P4HA1: variants seen among roughly 807,000 people sequenced by gnomAD.
The protein encoded by P4HA1 is prolyl 4-hydroxylase subunit alpha 1.
P4HA1 carries 24 observed loss-of-function variants against 72.8 expected under a neutral mutation model. The ratio of observed to expected loss-of-function variants is 0.33; its 90% confidence interval spans 0.24 to 0.46. The LOEUF (loss-of-function observed/expected upper bound fraction) is 0.46. Among genes scored for constraint, P4HA1 ranks in the 20% least tolerant of loss-of-function variants. The probability of loss-of-function intolerance (pLI) is 1.00; values close to 1 mark genes in which losing one functional copy is unlikely to be tolerated. For missense variants in P4HA1, 446 were observed against 640.6 expected, an observed-to-expected ratio of 0.70 and a Z score of 3.28; for synonymous variants, 201 against 218.8, an observed-to-expected ratio of 0.92 and a Z score of 0.72.
In P4HA1 at chr10:73,014,273, G is replaced by A. The variant is rs1345739260; in HGVS notation, c.1319C>T (p.Ala440Val). 6.2e-7 allele frequency: 1 copy of A among 1,612,556 alleles called. No individual in the cohort carries two copies. The highest frequency in any genetic ancestry group is 8.5e-7 in the Non-Finnish European group (1 of 1,178,670). Residue 440 changes from alanine to valine, a missense_variant, in exon 12 of 15, where the codon GCT becomes GTT. Transcript: ENST00000394890. ...FDFARKDEPD[A>V]FKELGTGNRI... ...ATTTCCTGTCCCCAGCTCTTTGAAA[G>A]CATCTGGCTCATCTTTCTGTGAATA...
intron 5 of P4HA1, among the ~76,000 whole-genome samples, chr10:73,061,218 C>T (rs1054255217): frequency 3.9e-5 from 6 of 152,100 alleles, no homozygotes; most frequent in Non-Finnish European, 8.8e-5. Context: ...GGTGTTGGTT[C>T]ACGCAGTTCA....
In P4HA1 at chr10:73,030,218, C is replaced by T. The variant is rs181225177; in HGVS notation, c.1248+53G>A. ...CCTGTTCAGTGTCAGGAAATCTCCT[C>T]TCAAGCATCTCCTGAAGTGTAAAAA... On this transcript the variant is annotated intron_variant, in intron 10 of 14. Coordinates refer to ENST00000394890, the MANE Select transcript of P4HA1 (RefSeq NM_001017962.3). 4.6e-5 allele frequency: 40 copies of T among 863,464 alleles called. No individual in the cohort carries two copies. In the African/African-American group the frequency reaches 6.2e-4, roughly 13 times the overall value. The allele number at this position is 863,464 out of a possible 1,614,324, so 53.5% of individuals were successfully genotyped here. A position where few individuals can be genotyped will look rare whatever the true frequency, so the allele number is the denominator to read the frequency against.
intron 1 of P4HA1, among the ~76,000 whole-genome samples, chr10:73,093,700 G>A (rs1465618170): frequency 6.7e-6 from 1 of 150,272 alleles, no homozygotes; most frequent in Non-Finnish European, 1.5e-5. Flanking sequence ...AAAATTAGCT[G>A]GGCGTGATGG....
At chr10:73,057,060 GAAA>G (rs536039460) in intron 5 of P4HA1, among the ~76,000 whole-genome samples, 7 of 91,422 alleles carry the variant, frequency 7.7e-5, no homozygotes, top group Admixed American at 1.3e-4. Flanking sequence ...ACGCTGTCTC[GAAA>G]AAAAAAAAAA....
rs1213170079 is a variant in P4HA1, at chr10:73,061,546, A to T, written c.463+7300T>A. Among the ~76,000 whole-genome samples, 3 of 152,262 alleles carry T rather than the reference A, an allele frequency of 2.0e-5. No individual in the cohort carries two copies. The East Asian group carries it at 5.8e-4, about 29-fold the overall frequency. On this transcript the variant is annotated intron_variant, in intron 5 of 14. Transcript: ENST00000394890. ...AATAATATTGACTGGGTATTAAATT[A>T]TATTAAGGAAATACTGTCGATTTGT...
intron 9 of P4HA1, among the ~76,000 whole-genome samples, chr10:73,034,284 T>G (rs1446952798): frequency 6.6e-6 from 1 of 152,036 alleles, no homozygotes; most frequent in Non-Finnish European, 1.5e-5. Context: ...TTTTAAATTA[T>G]GGTAAAATAT....
chr10:73,073,744 C>A lies in P4HA1; in HGVS notation c.160G>T (p.Glu54Ter). 6.6e-7 allele frequency: 1 copy of A among 1,504,744 alleles called. No individual in the cohort carries two copies. Among genetic ancestry groups the A allele is most frequent in the South Asian group, 1.1e-5 (1 of 88,874 alleles). The allele number at this position is 1,504,744 out of a possible 1,614,324, so 93.2% of individuals were successfully genotyped here. Reference protein sequence around the residue: ...DYIKAEEDKLEQIKKWAEKLD... With the variant: ...DYIKAEEDKL ...CATTTTGCTTACTTTTTTATTTGTT[C>A]TAACTTGTCCTCTTCTGCCTTAATA... Residue 54 changes from glutamate to a stop codon, truncating the protein, a stop_gained, in exon 3 of 15, where the codon GAA becomes TAA. Transcript: ENST00000394890. LOFTEE classifies it high-confidence loss of function.
chr10:73,011,903 G>GT (rs1330211847), intron 12 of P4HA1, among the ~76,000 whole-genome samples: 1 of 152,056 alleles, frequency 6.6e-6, no homozygotes, highest in East Asian at 1.9e-4. Flanking sequence ...AAATGAGATA[G>GT]AAGGTATTTT....
chr10:73,014,217 G>T lies in P4HA1; in HGVS notation c.1368+7C>A, dbSNP rs73272315. The T allele has an allele frequency of 1.3e-6, 2 of 1,593,370 alleles. No individual in the cohort carries two copies. Among genetic ancestry groups the T allele is most frequent in the Non-Finnish European group, 8.6e-7 (1 of 1,162,080 alleles). Reference sequence around the variant, plus strand: ...AACTTAATCTAAAAATTTTAGTGACGACTTACATAAAACAGCCATGTAGCA... The same window carrying T: ...AACTTAATCTAAAAATTTTAGTGACTACTTACATAAAACAGCCATGTAGCA... On this transcript the variant is annotated splice_region_variant and intron_variant, in intron 12 of 14. Coordinates refer to ENST00000394890, the MANE Select transcript of P4HA1 (RefSeq NM_001017962.3).
intron 10 of P4HA1, among the ~76,000 whole-genome samples, chr10:73,018,033 G>C (rs1840048294): frequency 6.6e-6 from 1 of 152,144 alleles, no homozygotes; most frequent in Non-Finnish European, 1.5e-5. Flanking sequence ...GCTAAGCCAG[G>C]AATGAAGGCC....
chr10:73,022,323 C>G (rs1246937817), intron 10 of P4HA1, among the ~76,000 whole-genome samples: 1 of 152,182 alleles, frequency 6.6e-6, no homozygotes, highest in Non-Finnish European at 1.5e-5. Context: ...ATTTGCTGTT[C>G]TGCATCCTCT....
At chr10:73,042,488 G>A (rs369872171) in intron 9 of P4HA1, among the ~76,000 whole-genome samples, 5 of 152,032 alleles carry the variant, frequency 3.3e-5, no homozygotes, top group African/African-American at 9.6e-5. Flanking sequence ...ATTTAGTTTC[G>A]AATGATTGAA....
chr10:73,086,391 G>A (rs932030684), intron 1 of P4HA1, among the ~76,000 whole-genome samples: 13 of 152,176 alleles, frequency 8.5e-5, no homozygotes, highest in Non-Finnish European at 1.8e-4. Flanking sequence ...AATGAACCTT[G>A]AAAACATTAA....
chr10:73,027,455 G>A (rs1840304947), intron 10 of P4HA1, among the ~76,000 whole-genome samples: 1 of 151,198 alleles, frequency 6.6e-6, no homozygotes, highest in Non-Finnish European at 1.5e-5. Flanking sequence ...TCGGAGGGTG[G>A]GGGGCTGGGG....
chr10:73,045,096 C>T (rs755044660), intron 8 of P4HA1, 45 bp from the exon 9 acceptor site: 6 of 1,513,946 alleles, frequency 4.0e-6, no homozygotes, highest in East Asian at 2.3e-5. Context: ...AAACAAAAAA[C>T]TGAATCACAT....
rs199578638 is a variant in P4HA1 at position 73,009,785 on chromosome 10, G to A, written c.1534+22C>T. Reference sequence around the variant, plus strand: ...AAGAAACAAAAATTACATTATCTTCGCAGAATATATGAAATATTTACCCCA... The same window carrying A: ...AAGAAACAAAAATTACATTATCTTCACAGAATATATGAAATATTTACCCCA... On this transcript the variant is annotated intron_variant, in intron 14 of 14. Coordinates refer to ENST00000394890, the MANE Select transcript of P4HA1 (RefSeq NM_001017962.3). 1,013 of 1,327,702 alleles carry A rather than the reference G, an allele frequency of 7.6e-4. 16 individuals carry two copies. The South Asian group carries it at 9.6e-3, about 13-fold the overall frequency. The allele number at this position is 1,327,702 out of a possible 1,614,324, so 82.2% of individuals were successfully genotyped here.
At position 73,073,844 on chromosome 10, in the gene P4HA1, G is replaced by A; in HGVS notation, c.77-17C>T. 2 of 1,174,754 alleles carry A rather than the reference G, an allele frequency of 1.7e-6. No homozygotes were observed. The highest frequency in any genetic ancestry group is 2.6e-6 in the Non-Finnish European group (2 of 780,952). 72.8% of individuals were successfully genotyped at this position (1,174,754 alleles called of 1,614,324 possible). Reference sequence around the variant, plus strand: ...TCATCTGACCTAGAAGGGGAAGAAGGTTATCAAATACTCATATCCTTCAAC... The same window carrying A: ...TCATCTGACCTAGAAGGGGAAGAAGATTATCAAATACTCATATCCTTCAAC... On this transcript the variant is annotated splice_polypyrimidine_tract_variant and intron_variant, in intron 2 of 14. Coordinates refer to ENST00000394890, the MANE Select transcript of P4HA1 (RefSeq NM_001017962.3).
At chr10:73,009,229 C>T (rs929197084) in intron 14 of P4HA1, among the ~76,000 whole-genome samples, 3 of 152,132 alleles carry the variant, frequency 2.0e-5, no homozygotes, top group Non-Finnish European at 2.9e-5. Context: ...ATACATGGGG[C>T]TAATTAATAG....
intron 9 of P4HA1, among the ~76,000 whole-genome samples, chr10:73,031,733 C>T (rs996914386): frequency 2.4e-4 from 36 of 152,062 alleles, no homozygotes; most frequent in African/African-American, 8.0e-4. Flanking sequence ...GTTATAGTTG[C>T]ACAAGGCTAA....
Sources: allele counts gnomAD v4.1 joint callset (sites outside exome capture counted in the v4.1 genomes callset), GRCh38; gene constraint gnomAD v4.1.1; transcripts MANE v1.5; gene names NCBI Gene and HGNC (gene_info 2026-07-23, HGNC 2026-07-21).